DLG2: variants seen among roughly 807,000 people sequenced by gnomAD.
DLG2 encodes the protein discs large MAGUK scaffold protein 2, also known as disks large homolog 2.
DLG2 carries 45 observed loss-of-function variants against 132.5 expected under a neutral mutation model. The ratio of observed to expected loss-of-function variants is 0.34; its 90% CI spans 0.27 to 0.44. DLG2 has a LOEUF of 0.44. Ranked by LOEUF, DLG2 falls within the 20% of genes least tolerant of loss-of-function variation. The pLI, the probability that DLG2 is intolerant of heterozygous loss-of-function variation, is 1.00. For missense variants in DLG2, 1,045 were observed against 1,196.9 expected (o/e 0.87, Z 1.87); for synonymous variants, 424 against 419.6 (o/e 1.01, Z -0.13).
At chr11:84,442,829 AATATT>A (rs2099021598) in intron 7 of DLG2, among the ~76,000 whole-genome samples, 1 of 152,200 alleles carries the variant, frequency 6.6e-6, no homozygotes, top group Non-Finnish European at 1.5e-5. Flanking sequence ...CTCACTAATA[AATATT>A]AGCTGGAAAA....
chr11:85,572,087 G>C (rs1394035047), intron 3 of DLG2, among the ~76,000 whole-genome samples: 2 of 151,944 alleles, frequency 1.3e-5, no homozygotes, highest in East Asian at 1.9e-4. Context: ...TCTTCTAATC[G>C]CTACAAGCTT....
chr11:85,158,571 C>T (rs1255725901), intron 4 of DLG2, among the ~76,000 whole-genome samples: 1 of 151,952 alleles, frequency 6.6e-6, no homozygotes. Context: ...TTTGAAGGGC[C>T]CTGTAATTGT....
At chr11:83,564,556 G>T (rs2096668971) in intron 19 of DLG2, among the ~76,000 whole-genome samples, 1 of 152,094 alleles carries the variant, frequency 6.6e-6, no homozygotes, top group East Asian at 1.9e-4. Flanking sequence ...TAACATATGG[G>T]GATGCAAAGG....
intron 6 of DLG2, among the ~76,000 whole-genome samples, chr11:85,033,524 C>T (rs999056709): frequency 5.3e-5 from 8 of 152,106 alleles, no homozygotes; most frequent in East Asian, 1.9e-4. Flanking sequence ...TTTATCTCAT[C>T]GCCAACTGGC....
At chr11:84,302,419 A>C (rs187593323) in intron 7 of DLG2, among the ~76,000 whole-genome samples, 5 of 152,318 alleles carry the variant, frequency 3.3e-5, no homozygotes, top group Admixed American at 3.3e-4. Flanking sequence ...TTTTTAAAAA[A>C]CATTGCAACA....
intron 16 of DLG2, among the ~76,000 whole-genome samples, chr11:83,852,816 CAGGAAAAAAG>C (rs1228409571): frequency 1.3e-5 from 2 of 152,182 alleles, no homozygotes; most frequent in Non-Finnish European, 2.9e-5. Flanking sequence ...TTTTCTTTAT[CAGGAAAAAAG>C]AGGAAGAGCA....
At chr11:83,656,128 T>G (rs978797011) in intron 18 of DLG2, among the ~76,000 whole-genome samples, 1 of 152,190 alleles carries the variant, frequency 6.6e-6, no homozygotes, top group African/African-American at 2.4e-5. Flanking sequence ...CTCAGAAATG[T>G]TAACAGATGG....
chr11:84,064,128 T>C (rs11233895), intron 10 of DLG2, among the ~76,000 whole-genome samples: 1 of 151,902 alleles, frequency 6.6e-6, no homozygotes, highest in Non-Finnish European at 1.5e-5. Context: ...TATATATATA[T>C]AACAAAAAAA....
chr11:83,615,671 A>C (rs2153421097), intron 19 of DLG2, among the ~76,000 whole-genome samples: 1 of 152,348 alleles, frequency 6.6e-6, no homozygotes, highest in South Asian at 2.1e-4. Context: ...ATACGCCATG[A>C]GAAGCACTCA....
At chr11:84,043,235 T>A (rs907216639) in intron 11 of DLG2, among the ~76,000 whole-genome samples, 1 of 151,634 alleles carries the variant, frequency 6.6e-6, no homozygotes, top group African/African-American at 2.4e-5. Flanking sequence ...CTTAAAATAA[T>A]TTTTAAATTA....
chr11:84,666,055 C>T (rs187140390), intron 6 of DLG2, among the ~76,000 whole-genome samples: 6 of 152,150 alleles, frequency 3.9e-5, no homozygotes, highest in East Asian at 1.9e-4. Context: ...ACTAGGAATT[C>T]GGCTAACACA....
At chr11:83,524,699 A>G (rs1210669226) in intron 21 of DLG2, among the ~76,000 whole-genome samples, 1 of 152,112 alleles carries the variant, frequency 6.6e-6, no homozygotes, top group Non-Finnish European at 1.5e-5. Flanking sequence ...TTATCTCTGG[A>G]CACTTGAAGC....
intron 6 of DLG2, among the ~76,000 whole-genome samples, chr11:84,745,129 C>A (rs931133605): frequency 3.9e-5 from 6 of 152,040 alleles, no homozygotes; most frequent in African/African-American, 1.4e-4. Context: ...GCCCTCTACT[C>A]AAAAACAATG....
chr11:84,317,316 G>A, intron 7 of DLG2: 1 of 1,431,946 alleles, frequency 7.0e-7, no homozygotes, highest in Non-Finnish European at 9.1e-7. Flanking sequence ...AGCAGCGACA[G>A]CAGCTCCGCA....
intron 6 of DLG2, among the ~76,000 whole-genome samples, chr11:84,558,056 A>G (rs2099415456): frequency 6.6e-6 from 1 of 152,210 alleles, no homozygotes; most frequent in African/African-American, 2.4e-5. Context: ...CAGGATTTAT[A>G]GATACATTAT....
chr11:84,821,880 CT>C (rs912630214), intron 6 of DLG2, among the ~76,000 whole-genome samples: 25 of 151,710 alleles, frequency 1.6e-4, no homozygotes, highest in African/African-American at 6.0e-4. Context: ...ACAATGCTAA[CT>C]TTTTTTAATC....
rs577556299 is a variant in DLG2, at chr11:85,200,607, A to G, written c.187-45956T>C. Among the ~76,000 whole-genome samples, 6 of 152,248 alleles carry G rather than the reference A, an allele frequency of 3.9e-5. No homozygotes were observed. The South Asian group carries it at 1.2e-3, about 32-fold the overall frequency. On this transcript the variant is annotated intron_variant, in intron 4 of 27. Coordinates refer to ENST00000376104, the MANE Select transcript of DLG2 (RefSeq NM_001142699.3). Reference sequence around the variant, plus strand: ...GGGAGATGAATATTTCTCTGAGCCAATAAGGCTGGGTTCTGCAGCCTCTGT... The same window carrying G: ...GGGAGATGAATATTTCTCTGAGCCAGTAAGGCTGGGTTCTGCAGCCTCTGT...
At chr11:84,848,615 T>C (rs1213468403) in intron 6 of DLG2, among the ~76,000 whole-genome samples, 1 of 152,192 alleles carries the variant, frequency 6.6e-6, no homozygotes, top group Admixed American at 6.5e-5. Flanking sequence ...ACGATGGGTA[T>C]GTGGGAGAAA....
chr11:83,525,762 C>T (rs532018485), intron 21 of DLG2, among the ~76,000 whole-genome samples: 12 of 152,164 alleles, frequency 7.9e-5, no homozygotes, highest in Admixed American at 5.2e-4. Flanking sequence ...CCAAGACCGG[C>T]TCCATTAAAG....
Sources: gnomAD v4.1 joint callset for allele counts (sites outside exome capture counted in the v4.1 genomes callset) on GRCh38, gnomAD v4.1.1 for gene constraint, MANE v1.5 for transcripts, NCBI Gene and HGNC (gene_info 2026-07-23, HGNC 2026-07-21) for gene names.